CIMIP4: variants seen among roughly 807,000 people sequenced by gnomAD.
CIMIP4 encodes ciliary microtubule inner protein 4, also known as protein EAN57.
the CIMIP4 span, among the ~76,000 whole-genome samples, chr22:37,000,316 C>T: frequency 6.3e-3 from 956 of 152,266 alleles, 17 homozygotes; most frequent in African/African-American, 0.022. Context: ...ATGAGGAAAG[C>T]GGGCCTCAGG....
At chr22:36,992,502 GA>G in the CIMIP4 span, among the ~76,000 whole-genome samples, 1 of 151,750 alleles carries the variant, frequency 6.6e-6, no homozygotes, top group South Asian at 2.1e-4. Flanking sequence ...CATAATAATT[GA>G]AAAAAAATTA....
chr22:36,998,464 C>T, the CIMIP4 span, among the ~76,000 whole-genome samples: 8 of 152,206 alleles, frequency 5.3e-5, no homozygotes, highest in African/African-American at 1.9e-4. Flanking sequence ...CAGAAACAGC[C>T]TCATTTTGCA....
chr22:37,003,708 T>C, the CIMIP4 span, among the ~76,000 whole-genome samples: 2 of 151,714 alleles, frequency 1.3e-5, no homozygotes, highest in Non-Finnish European at 2.9e-5. Context: ...AGCACCTGAG[T>C]CACCCCCTCA....
At chr22:37,005,333 C>T in the CIMIP4 span, among the ~76,000 whole-genome samples, 1 of 152,180 alleles carries the variant, frequency 6.6e-6, no homozygotes, top group Non-Finnish European at 1.5e-5. Flanking sequence ...GTTCTGAGAT[C>T]ATAAATTTGT....
At chr22:37,004,064 A>T in the CIMIP4 span, 1 of 1,514,130 alleles carries the variant, frequency 6.6e-7, no homozygotes, top group South Asian at 1.2e-5. Flanking sequence ...CTCAGATAAC[A>T]CACAGAGTTT....
At chr22:36,992,086 C>T in the CIMIP4 span, among the ~76,000 whole-genome samples, 1 of 152,200 alleles carries the variant, frequency 6.6e-6, no homozygotes, top group Non-Finnish European at 1.5e-5. Flanking sequence ...CAGTGGCTCA[C>T]GCCTGTAATC....
At chr22:37,000,417 G>C in the CIMIP4 span, among the ~76,000 whole-genome samples, 1 of 152,206 alleles carries the variant, frequency 6.6e-6, no homozygotes, top group African/African-American at 2.4e-5. Context: ...GCAGCTCTGG[G>C]TGGGTGCTTA....
chr22:37,000,114 A>G, the CIMIP4 span: 1 of 1,210,706 alleles, frequency 8.3e-7, no homozygotes, highest in Non-Finnish European at 1.1e-6. Context: ...GCAGCCCTCA[A>G]CCTATTCACA....
the CIMIP4 span, among the ~76,000 whole-genome samples, chr22:37,004,260 C>T: frequency 6.6e-6 from 1 of 152,266 alleles, no homozygotes; most frequent in East Asian, 1.9e-4. Flanking sequence ...CCTCTGCCCT[C>T]TCTGAAAAGC....
the CIMIP4 span, chr22:37,001,790 C>A: frequency 6.8e-7 from 1 of 1,460,702 alleles, no homozygotes; most frequent in Non-Finnish European, 9.1e-7. Flanking sequence ...TATCTTATGT[C>A]CTCATTATAA....
the CIMIP4 span, chr22:36,991,459 T>G: frequency 6.2e-7 from 1 of 1,610,354 alleles, no homozygotes; most frequent in Non-Finnish European, 8.5e-7. Context: ...CTGCCTCCCA[T>G]CACCCGCAGC....
chr22:36,994,460 C>T, the CIMIP4 span, among the ~76,000 whole-genome samples: 2 of 151,978 alleles, frequency 1.3e-5, no homozygotes, highest in Non-Finnish European at 2.9e-5. Context: ...TCCTGAGAAG[C>T]CATTACAGGC....
chr22:37,000,824 G>C, the CIMIP4 span, among the ~76,000 whole-genome samples: 1 of 152,212 alleles, frequency 6.6e-6, no homozygotes, highest in African/African-American at 2.4e-5. Context: ...ATTGGGACAA[G>C]TTCCTCCAAG....
At chr22:37,002,016 C>G in the CIMIP4 span, 12 of 1,613,166 alleles carry the variant, frequency 7.4e-6, no homozygotes, top group South Asian at 9.9e-5. Context: ...GCCCTGTTCT[C>G]TCTCGAGGAG....
chr22:37,002,078 GAA>G, the CIMIP4 span: 1 of 1,602,590 alleles, frequency 6.2e-7, no homozygotes, highest in Non-Finnish European at 8.5e-7. Flanking sequence ...CATGCCCAGA[GAA>G]TCCCTGCTGG....
chr22:37,002,014 C>A, the CIMIP4 span: 1 of 1,613,374 alleles, frequency 6.2e-7, no homozygotes, highest in Non-Finnish European at 8.5e-7. Flanking sequence ...TGGCCCTGTT[C>A]TCTCTCGAGG....
At chr22:37,006,585 A>C in the CIMIP4 span, among the ~76,000 whole-genome samples, 1 of 152,202 alleles carries the variant, frequency 6.6e-6, no homozygotes, top group African/African-American at 2.4e-5. Flanking sequence ...CCTCAGCCAC[A>C]CCTGGAGCTG....
the CIMIP4 span, chr22:36,999,802 T>C: frequency 3.8e-6 from 6 of 1,592,412 alleles, no homozygotes; most frequent in Non-Finnish European, 5.1e-6. Flanking sequence ...TGGGAGACCA[T>C]GGGTGTTCAC....
chr22:37,002,267 T>C, the CIMIP4 span: 3 of 1,442,068 alleles, frequency 2.1e-6, no homozygotes, highest in East Asian at 2.5e-5. Flanking sequence ...TTGGCCCTCC[T>C]TGTCATTCAG....
Sources: gnomAD v4.1 joint callset for allele counts (sites outside exome capture counted in the v4.1 genomes callset) on GRCh38, gnomAD v4.1.1 for gene constraint, MANE v1.5 for transcripts, NCBI Gene and HGNC (gene_info 2026-07-23, HGNC 2026-07-21) for gene names.